The following GALC variants were observed in gnomAD, a reference collection of about 807,000 sequenced individuals.
The protein encoded by GALC is galactocerebrosidase.
In GALC, 77 loss-of-function variants were observed where a neutral mutation model predicts 91.8. The observed-to-expected ratio is 0.84, with a 90% confidence interval of 0.70 to 1.01. The LOEUF is 1.01. Ranked by LOEUF, GALC falls within the 50% of genes least tolerant of loss-of-function variation. The probability of loss-of-function intolerance (pLI) is 0.00; values close to 1 mark genes in which losing one functional copy is unlikely to be tolerated. For synonymous variants in GALC, 357 were observed against 306.7 expected (o/e 1.16, Z -1.71); for missense variants, 882 against 855.9 (o/e 1.03, Z -0.38).
Position 87,965,540 on chromosome 14 carries a change from C to T in GALC, c.998G>A (p.Gly333Glu). ...GLMTAQEPWS[G>E]HYVVESPVWV... The stretch of plus-strand genomic sequence containing the variant: ...GACAGGAGATTCTACCACGTAGTGC[C>T]CACTCCATGGCTCCTGGGCCGTCAT... Residue 333 changes from glycine to glutamate, a missense_variant, in exon 9 of 17, where the codon GGG becomes GAG. Physicochemically the swap from Gly to Glu is moderately conservative, Grantham distance 98 (BLOSUM62 -2). Transcript: ENST00000261304. 1.2e-6 allele frequency: 2 copies of T among 1,613,364 alleles called. No homozygotes were observed. The highest frequency in any genetic ancestry group is 1.7e-6 in the Non-Finnish European group (2 of 1,179,504).
At chr14:87,940,084 G>C in intron 15 of GALC, 103 bp from the exon 16 acceptor site, 1 of 905,330 alleles carries the variant, frequency 1.1e-6, no homozygotes, top group Non-Finnish European at 1.8e-6. Context: ...ATGTAGTAAA[G>C]TCAGCCTCAA....
intron 10 of GALC, among the ~76,000 whole-genome samples, chr14:87,957,817 G>A (rs1885622759): frequency 6.6e-6 from 1 of 151,982 alleles, no homozygotes; most frequent in Non-Finnish European, 1.5e-5. Flanking sequence ...AGTTCTAAAA[G>A]GAGAACTATT....
intron 3 of GALC, chr14:87,987,102 C>T (rs1887008470): frequency 2.3e-6 from 1 of 443,828 alleles, no homozygotes. Context: ...AATGAGTATA[C>T]ATATCCACTC....
intron 16 of GALC, among the ~76,000 whole-genome samples, chr14:87,938,890 A>G (rs1275782171): frequency 3.3e-5 from 5 of 152,138 alleles, no homozygotes; most frequent in African/African-American, 7.2e-5. Context: ...TATGTAACAG[A>G]CAATGGGTTA....
At chr14:87,992,349 C>T (rs991106622) in intron 1 of GALC, 1 of 1,535,586 alleles carries the variant, frequency 6.5e-7, no homozygotes, top group African/African-American at 1.4e-5. Flanking sequence ...AGGGAGTACC[C>T]GGTAGTTTCA....
intron 10 of GALC, chr14:87,953,914 C>T (rs1595202314): frequency 1.2e-6 from 2 of 1,610,156 alleles, no homozygotes; most frequent in East Asian, 2.2e-5. Context: ...GCAACAGTTA[C>T]AGTAATTGAT....
chr14:87,956,445 C>CA (rs1026755046), intron 10 of GALC, among the ~76,000 whole-genome samples: 4 of 151,606 alleles, frequency 2.6e-5, no homozygotes, highest in Non-Finnish European at 5.9e-5. Flanking sequence ...ACAACACACA[C>CA]AAAAAATGAG....
At chr14:87,983,331 A>C (rs28436151) in intron 5 of GALC, among the ~76,000 whole-genome samples, 105 of 152,228 alleles carry the variant, frequency 6.9e-4, no homozygotes, top group African/African-American at 2.4e-3. Flanking sequence ...AAAAAAAAGG[A>C]AAGTTCTCAA....
At chr14:87,947,640 T>C (rs1297245148) in intron 13 of GALC, 88 bp downstream of exon 13, 47 of 1,284,916 alleles carry the variant, frequency 3.7e-5, no homozygotes, top group Non-Finnish European at 5.2e-5. Flanking sequence ...TGACAGCCAC[T>C]CCATCATGCA....
At chr14:87,937,535 A>G (rs1884632109) in intron 16 of GALC, among the ~76,000 whole-genome samples, 1 of 151,924 alleles carries the variant, frequency 6.6e-6, no homozygotes, top group Non-Finnish European at 1.5e-5. Flanking sequence ...GCAAAGTCCT[A>G]TCCATCCTAG....
In GALC at chr14:87,941,381, A is replaced by AT. The variant is rs762787332; in HGVS notation, c.1834+13_1834+14insA. ...ATAAGTCATATGCTATTAAAAAAAA[A>AT]AAAAGTCAGTTACCTAAATCACCTG... On this transcript the variant is annotated intron_variant, in intron 15 of 16. Coordinates refer to ENST00000261304, the MANE Select transcript of GALC (RefSeq NM_000153.4). 7.8e-6 allele frequency: 12 copies of AT among 1,545,826 alleles called. No homozygotes were observed. In the South Asian group the frequency reaches 1.3e-4, roughly 16 times the overall value.
intron 8 of GALC, among the ~76,000 whole-genome samples, chr14:87,967,523 G>T (rs1886106300): frequency 6.6e-6 from 1 of 151,094 alleles, no homozygotes; most frequent in Non-Finnish European, 1.5e-5. Context: ...GTTTGTTTTT[G>T]TTCTATTTAT....
At chr14:87,984,628 C>A in intron 4 of GALC, 95 bp from the exon 5 acceptor site, 2 of 1,292,764 alleles carry the variant, frequency 1.5e-6, no homozygotes, top group Admixed American at 2.0e-5. Context: ...AAGCATTCAA[C>A]TAGCAAAAAA....
rs17797987 is a variant in GALC at position 87,982,142 on chromosome 14, A to T, written c.621+63T>A. 113,904 of 875,112 alleles carry T rather than the reference A, an allele frequency of 0.13. 8,303 individuals carry two copies. Among genetic ancestry groups the T allele is most frequent in the Middle Eastern group, 0.16 (734 of 4,480 alleles). The allele number at this position is 875,112 out of a possible 1,614,324, so 54.2% of individuals were successfully genotyped here. A position where few individuals can be genotyped will look rare whatever the true frequency, so the allele number is the denominator to read the frequency against. On this transcript the variant is annotated intron_variant, in intron 6 of 16. Coordinates refer to ENST00000261304, the MANE Select transcript of GALC (RefSeq NM_000153.4). ...CAAATTTCCTACTATTTTCTGTGTT[A>T]GGAACCATAAGGAATTATTCACTAA...
In GALC at chr14:87,939,931, AT is replaced by A. The variant is rs1336726861; in HGVS notation, c.1884del (p.Lys628AsnfsTer7). On this transcript the variant is annotated frameshift_variant, in exon 16 of 17. Coordinates refer to ENST00000261304, the MANE Select transcript of GALC (RefSeq NM_000153.4). LOFTEE classifies it low-confidence loss of function (END_TRUNC). Reference protein sequence around the residue: ...ALGRVEVTAKKWYTLTLTIKG... With the variant: ...ALGRVEVTAKXWYTLTLTIKG... ...TTAATAGTTAACGTGAGTGTATACC[AT>A]TTTTTTGCTGTAACTTCAACACGTC... 7 of 1,610,606 alleles carry A rather than the reference AT, an allele frequency of 4.3e-6. No homozygotes were observed. Among genetic ancestry groups the A allele is most frequent in the Non-Finnish European group, 5.9e-6 (7 of 1,177,348 alleles).
chr14:87,958,843 C>T (rs957246902), intron 10 of GALC, among the ~76,000 whole-genome samples: 3 of 152,016 alleles, frequency 2.0e-5, no homozygotes, highest in African/African-American at 7.2e-5. Context: ...ACACAGTCAA[C>T]TCAAAATTGA....
At chr14:87,952,978 C>T in intron 10 of GALC, 1 of 982,394 alleles carries the variant, frequency 1.0e-6, no homozygotes, top group South Asian at 1.3e-5. Flanking sequence ...AACTTTCACT[C>T]AAATTTGTTT....
intron 16 of GALC, among the ~76,000 whole-genome samples, chr14:87,937,177 G>GT (rs1161314425): frequency 1.0e-4 from 15 of 150,384 alleles, no homozygotes; most frequent in African/African-American, 2.7e-4. Context: ...ATGATGTTTT[G>GT]TTTTTTTTAT....
chr14:87,968,507 T>A lies in GALC; in HGVS notation c.753-17A>T, dbSNP rs748920750. ...TAATGAGCCCTAGAAAAAAAAAGGG[T>A]GGAAGTCAATGAAAAAAGGTCACGA... On this transcript the variant is annotated splice_polypyrimidine_tract_variant and intron_variant, in intron 7 of 16. Transcript: ENST00000261304. The A allele has an allele frequency of 4.3e-6, 7 of 1,612,690 alleles. No homozygotes were observed. The highest frequency in any genetic ancestry group is 5.9e-6 in the Non-Finnish European group (7 of 1,179,302).
Sources: allele counts gnomAD v4.1 joint callset (sites outside exome capture counted in the v4.1 genomes callset), GRCh38; gene constraint gnomAD v4.1.1; transcripts MANE v1.5; gene names NCBI Gene and HGNC (gene_info 2026-07-23, HGNC 2026-07-21).